The following CHST15 variants were observed in gnomAD, a reference collection of about 807,000 sequenced individuals.
CHST15 encodes the protein carbohydrate sulfotransferase 15, also known as B cell RAG associated protein (GALNAC4S-6ST).
A neutral mutation model predicts 53.6 loss-of-function variants in CHST15; 30 were observed. The ratio of observed to expected loss-of-function variants is 0.56; its 90% CI spans 0.42 to 0.76. The LOEUF is 0.76. CHST15 is among the 30% of genes least tolerant of loss of function. The probability of loss-of-function intolerance (pLI) is 0.00; values close to 1 mark genes in which losing one functional copy is unlikely to be tolerated. For synonymous variants in CHST15, 296 were observed against 289.8 expected, an observed-to-expected ratio of 1.02 and a Z score of -0.22; for missense variants, 627 against 740.5, an observed-to-expected ratio of 0.85 and a Z score of 1.78.
chr10:124,048,242 T>G (rs985809016), intron 1 of CHST15, among the ~76,000 whole-genome samples: 7 of 152,218 alleles, frequency 4.6e-5, no homozygotes, highest in Non-Finnish European at 8.8e-5. Context: ...ACAGCTGAAC[T>G]TTTCAGGGCC....
At chr10:124,021,552 G>C in intron 5 of CHST15, 140 bp from the exon 6 acceptor site, 1 of 1,426,442 alleles carries the variant, frequency 7.0e-7, no homozygotes, top group Non-Finnish European at 9.3e-7. Context: ...TTCCCTTGCA[G>C]ATGAGCCACC....
chr10:124,076,505 A>G, intron 1 of CHST15, among the ~76,000 whole-genome samples: 1 of 152,184 alleles, frequency 6.6e-6, no homozygotes, highest in East Asian at 1.9e-4. Flanking sequence ...CAGCACACCA[A>G]GGTGATTCAG....
intron 6 of CHST15, 43 bp from the exon 7 acceptor site, chr10:124,012,523 C>T (rs1323785044): frequency 6.3e-7 from 1 of 1,586,962 alleles, no homozygotes; most frequent in Admixed American, 1.7e-5. Flanking sequence ...AGCAGTTGCC[C>T]CAACACCATA....
intron 1 of CHST15, among the ~76,000 whole-genome samples, chr10:124,071,361 T>TG (rs1408527697): frequency 6.6e-6 from 1 of 152,226 alleles, no homozygotes; most frequent in Non-Finnish European, 1.5e-5. Flanking sequence ...GCCATCAGCC[T>TG]GAAACCCTGC....
Position 124,009,877 on chromosome 10 carries a change from C to T in CHST15, c.*272G>A. On this transcript the variant is annotated 3_prime_UTR_variant, in exon 8 of 8. Coordinates refer to ENST00000435907, the MANE Select transcript of CHST15 (RefSeq NM_001270764.2). ...CCAGTGCAGGCCAGCTGGCTGCATCCCCAAGCTCCAGGACGCTCAGAGCAG... is the reference window on the plus strand; with the variant it reads ...CCAGTGCAGGCCAGCTGGCTGCATCTCCAAGCTCCAGGACGCTCAGAGCAG... 1.6e-6 allele frequency: 2 copies of T among 1,250,766 alleles called. No individual in the cohort carries two copies. Among genetic ancestry groups the T allele is most frequent in the Non-Finnish European group, 2.0e-6 (2 of 990,858 alleles). The allele number at this position is 1,250,766 out of a possible 1,614,324, so 77.5% of individuals were successfully genotyped here.
chr10:124,019,843 C>G lies in CHST15; in HGVS notation c.1347+1413G>C. On this transcript the variant is annotated intron_variant, in intron 6 of 7. Coordinates refer to ENST00000435907, the MANE Select transcript of CHST15 (RefSeq NM_001270764.2). This position sits in a 1 kb window ranked among gnomAD's most constrained non-coding sequence, Gnocchi z 4.6. ...GCCCCATGTGCCACGCACCCAAGCCCCCTGCCTCAGTGCCCCCCATCTCCC... is the reference window on the plus strand; with the variant it reads ...GCCCCATGTGCCACGCACCCAAGCCGCCTGCCTCAGTGCCCCCCATCTCCC... 1.0e-6 allele frequency: 1 copy of G among 985,930 alleles called. No homozygotes were observed. Among genetic ancestry groups the G allele is most frequent in the African/African-American group, 1.7e-5 (1 of 57,356 alleles). The allele number at this position is 985,930 out of a possible 1,614,324, so 61.1% of individuals were successfully genotyped here.
intron 1 of CHST15, among the ~76,000 whole-genome samples, chr10:124,062,732 T>A (rs1948621757): frequency 6.6e-6 from 1 of 152,060 alleles, no homozygotes; most frequent in Non-Finnish European, 1.5e-5. Context: ...CCGGAATCAG[T>A]GGCCGAATAC....
At chr10:124,081,467 G>A (rs369714229) in intron 1 of CHST15, among the ~76,000 whole-genome samples, 8 of 152,212 alleles carry the variant, frequency 5.3e-5, no homozygotes, top group Non-Finnish European at 1.2e-4. Flanking sequence ...ACCAAAGTAT[G>A]TGCATTTCTT....
intron 5 of CHST15, 65 bp downstream of exon 5, chr10:124,038,450 A>T: frequency 6.4e-7 from 1 of 1,558,426 alleles, no homozygotes; most frequent in Non-Finnish European, 8.8e-7. Flanking sequence ...TTGTCATGAG[A>T]GGGGAACACT....
intron 1 of CHST15, among the ~76,000 whole-genome samples, chr10:124,086,290 C>A (rs1361211511): frequency 6.6e-6 from 1 of 152,186 alleles, no homozygotes; most frequent in African/African-American, 2.4e-5. Flanking sequence ...AACCGTGGGC[C>A]GGGCACGGAG....
chr10:124,087,018 G>C (rs756903231), intron 1 of CHST15, among the ~76,000 whole-genome samples: 1 of 152,202 alleles, frequency 6.6e-6, no homozygotes, highest in Non-Finnish European at 1.5e-5. Flanking sequence ...ATATTTGGCT[G>C]ACAAGAAACG....
At chr10:124,076,160 A>T (rs1419334302) in intron 1 of CHST15, among the ~76,000 whole-genome samples, 1 of 152,222 alleles carries the variant, frequency 6.6e-6, no homozygotes, top group African/African-American at 2.4e-5. Context: ...CTGGAGAGCC[A>T]CTGTGTGTCA....
At chr10:124,022,108 T>C (rs1946810969) in intron 5 of CHST15, among the ~76,000 whole-genome samples, 1 of 152,236 alleles carries the variant, frequency 6.6e-6, no homozygotes, top group South Asian at 2.1e-4. Flanking sequence ...TTCAGGCTCC[T>C]CTGTATCCTC....
At chr10:124,058,957 A>G (rs1402063447) in intron 1 of CHST15, among the ~76,000 whole-genome samples, 2 of 152,154 alleles carry the variant, frequency 1.3e-5, no homozygotes, top group Non-Finnish European at 2.9e-5. Context: ...TACTACTTAC[A>G]TTTTACAGGT....
At chr10:124,028,833 A>G (rs1227719402) in intron 5 of CHST15, among the ~76,000 whole-genome samples, 12 of 152,188 alleles carry the variant, frequency 7.9e-5, no homozygotes, top group Non-Finnish European at 1.0e-4. Context: ...GGCGGCTGGG[A>G]GCAGGTGACC....
At chr10:124,022,658 T>G (rs1429059826) in intron 5 of CHST15, among the ~76,000 whole-genome samples, 2 of 152,012 alleles carry the variant, frequency 1.3e-5, no homozygotes, top group East Asian at 3.9e-4. Context: ...AGGTTCCTAG[T>G]CCACCACCCC....
rs146358090 is a variant in CHST15 at position 124,075,147 on chromosome 10, G to A, written c.-513+18322C>T. ...AAACAATGACTGTGGATAGCTTAATGGGGAAAATAAATAAAGCCAGCTTTT... is the reference window on the plus strand; with the variant it reads ...AAACAATGACTGTGGATAGCTTAATAGGGAAAATAAATAAAGCCAGCTTTT... On this transcript the variant is annotated intron_variant, in intron 1 of 7. Transcript: ENST00000435907. Among the ~76,000 whole-genome samples the A allele has an allele frequency of 3.6e-3, 542 of 152,310 alleles. 3 individuals are homozygous for A. The highest frequency in any genetic ancestry group is 6.2e-3 in the Non-Finnish European group (423 of 68,022).
chr10:124,032,654 T>C (rs896236858), intron 5 of CHST15, among the ~76,000 whole-genome samples: 1 of 152,186 alleles, frequency 6.6e-6, no homozygotes, highest in African/African-American at 2.4e-5. Context: ...TTCTTTTTAA[T>C]TAACTGGGCC....
chr10:124,087,097 C>T (rs1430807094), intron 1 of CHST15, among the ~76,000 whole-genome samples: 14 of 152,236 alleles, frequency 9.2e-5, no homozygotes. Context: ...GGGAACACAG[C>T]TGCCCAGACC....
Sources: allele counts gnomAD v4.1 joint callset (sites outside exome capture counted in the v4.1 genomes callset), GRCh38; gene constraint gnomAD v4.1.1; non-coding constraint Gnocchi (gnomAD v3.1); transcripts MANE v1.5; gene names NCBI Gene and HGNC (gene_info 2026-07-23, HGNC 2026-07-21).